The following RAVER2 variants were observed in gnomAD, a reference collection of about 807,000 sequenced individuals.
RAVER2 encodes the protein ribonucleoprotein PTB-binding 2.
In RAVER2, 46 loss-of-function variants were observed where a neutral mutation model predicts 78.1. The observed-to-expected ratio is 0.59, with a 90% CI of 0.46 to 0.75. The LOEUF is 0.75. Among genes scored for constraint, RAVER2 ranks in the 30% least tolerant of loss-of-function variants. The probability of loss-of-function intolerance (pLI) is 0.00; values close to 1 mark genes in which losing one functional copy is unlikely to be tolerated. For synonymous variants in RAVER2, 311 were observed against 313.3 expected (o/e 0.99, Z 0.08); for missense variants, 793 against 837.5 (o/e 0.95, Z 0.66).
chr1:64,828,163 C>A (rs1570588699), intron 11 of RAVER2, among the ~76,000 whole-genome samples: 1 of 131,064 alleles, frequency 7.6e-6, no homozygotes, highest in African/African-American at 2.8e-5. Context: ...ACCCACCCCC[C>A]CCACCCCCCG....
intron 5 of RAVER2, among the ~76,000 whole-genome samples, chr1:64,802,215 G>A (rs1205215668): frequency 6.6e-6 from 1 of 152,118 alleles, no homozygotes; most frequent in African/African-American, 2.4e-5. Context: ...TATTAGCAAG[G>A]GCTTTATAAC....
chr1:64,769,507 C>T (rs148082408), intron 2 of RAVER2, among the ~76,000 whole-genome samples: 14 of 152,108 alleles, frequency 9.2e-5, no homozygotes, highest in African/African-American at 2.9e-4. Context: ...TTCTTCTGAG[C>T]ACAAGGTAAG....
chr1:64,805,418 G>A (rs17126987), intron 8 of RAVER2, among the ~76,000 whole-genome samples: 10,579 of 151,992 alleles, frequency 0.07, 595 homozygotes, highest in East Asian at 0.27. Flanking sequence ...CAGCACATAT[G>A]GATCCATGTA....
At chr1:64,778,424 C>T (rs1401159548) in intron 3 of RAVER2, among the ~76,000 whole-genome samples, 2 of 152,078 alleles carry the variant, frequency 1.3e-5, no homozygotes, top group Non-Finnish European at 2.9e-5. Context: ...AGACACTATG[C>T]CAAGTGTCAG....
intron 11 of RAVER2, among the ~76,000 whole-genome samples, chr1:64,824,932 CAAAAAAAAA>C (rs56179197): frequency 7.6e-5 from 6 of 79,390 alleles, no homozygotes; most frequent in Admixed American, 1.4e-4. Context: ...CCCTGTCTCC[CAAAAAAAAA>C]AAAAAAAAAA....
chr1:64,802,892 T>C (rs979395356), intron 5 of RAVER2, 84 bp from the exon 6 acceptor site: 7 of 813,494 alleles, frequency 8.6e-6, no homozygotes, highest in South Asian at 1.8e-5. Flanking sequence ...TAAAGAAATA[T>C]TCATTTACCC....
chr1:64,789,510 A>G (rs1198438845), exon 5 of RAVER2: 3 of 1,604,318 alleles, frequency 1.9e-6, no homozygotes, highest in Non-Finnish European at 2.6e-6. Flanking sequence ...GAGCTGTTAA[A>G]CCAGGTATGG....
chr1:64,759,812 G>A (rs886528992), intron 1 of RAVER2, among the ~76,000 whole-genome samples: 1 of 152,094 alleles, frequency 6.6e-6, no homozygotes, highest in African/African-American at 2.4e-5. Flanking sequence ...CACCGTGCCC[G>A]GCCTATTTTC....
chr1:64,762,450 T>G (rs1652048342), intron 1 of RAVER2, among the ~76,000 whole-genome samples: 2 of 149,598 alleles, frequency 1.3e-5, no homozygotes, highest in Admixed American at 6.6e-5. Flanking sequence ...TGACCTGGAA[T>G]AGCCAAGATA....
intron 1 of RAVER2, among the ~76,000 whole-genome samples, chr1:64,760,788 G>C (rs1348170076): frequency 1.3e-5 from 2 of 150,808 alleles, no homozygotes; most frequent in African/African-American, 2.4e-5. Flanking sequence ...GTTGTTCTTG[G>C]CCCCAATTCC....
intron 1 of RAVER2, among the ~76,000 whole-genome samples, chr1:64,760,480 C>T (rs1651990324): frequency 6.6e-6 from 1 of 151,998 alleles, no homozygotes; most frequent in South Asian, 2.1e-4. Context: ...TGTAGAACAT[C>T]CATGGCATTA....
At chr1:64,753,856 A>G (rs1281829107) in intron 1 of RAVER2, among the ~76,000 whole-genome samples, 1 of 152,062 alleles carries the variant, frequency 6.6e-6, no homozygotes, top group Non-Finnish European at 1.5e-5. Context: ...ATTCCTTCAA[A>G]TGACTAGTTT....
chr1:64,831,015 G>C, exon 12 of RAVER2: 1 of 1,598,070 alleles, frequency 6.3e-7, no homozygotes, highest in South Asian at 1.1e-5. Flanking sequence ...ACCCCCTAAG[G>C]TTCTCTGCAG....
intron 11 of RAVER2, among the ~76,000 whole-genome samples, chr1:64,830,557 G>A (rs940777318): frequency 2.0e-5 from 3 of 152,206 alleles, no homozygotes; most frequent in Non-Finnish European, 4.4e-5. Context: ...AGCAGAAGCA[G>A]CTGCATGCAG....
intron 11 of RAVER2, among the ~76,000 whole-genome samples, chr1:64,818,029 C>T (rs1653795001): frequency 1.3e-5 from 2 of 152,060 alleles, no homozygotes; most frequent in Non-Finnish European, 2.9e-5. Context: ...TTATTTATAC[C>T]ATTGAGAAGT....
intron 1 of RAVER2, among the ~76,000 whole-genome samples, chr1:64,761,079 A>G (rs1652006750): frequency 6.6e-6 from 1 of 152,226 alleles, no homozygotes; most frequent in South Asian, 2.1e-4. Flanking sequence ...ATTAAATGAG[A>G]TAATGTCTAT....
intron 9 of RAVER2, among the ~76,000 whole-genome samples, chr1:64,808,778 A>G (rs1653519442): frequency 6.6e-6 from 1 of 152,158 alleles, no homozygotes; most frequent in South Asian, 2.1e-4. Flanking sequence ...TCTTTATAGA[A>G]TGAATTTTAA....
chr1:64,811,930 A>G (rs969298177), intron 9 of RAVER2, among the ~76,000 whole-genome samples: 2 of 152,228 alleles, frequency 1.3e-5, no homozygotes, highest in African/African-American at 4.8e-5. Flanking sequence ...TTCTAGCATC[A>G]TCTAAATGTG....
intron 1 of RAVER2, among the ~76,000 whole-genome samples, chr1:64,750,821 A>G (rs1043054154): frequency 3.3e-5 from 5 of 152,170 alleles, no homozygotes; most frequent in Admixed American, 3.3e-4. Flanking sequence ...AAAATTATCT[A>G]TTAAATTTTC....
Sources: allele counts gnomAD v4.1 joint callset (sites outside exome capture counted in the v4.1 genomes callset), GRCh38; gene constraint gnomAD v4.1.1; transcripts MANE v1.5; gene names NCBI Gene and HGNC (gene_info 2026-07-23, HGNC 2026-07-21).